Variants in SATB2 observed in about 807,000 individuals in gnomAD.
SATB2 encodes SATB homeobox 2, also known as DNA-binding protein SATB2.
In SATB2, 1 loss-of-function variant was observed where a neutral mutation model predicts 73.4. The observed-to-expected ratio is 0.01, with a 90% CI of 0.00 to 0.06. SATB2 has a LOEUF of 0.06. Ranked by LOEUF, SATB2 falls within the 10% of genes least tolerant of loss-of-function variation. The probability of loss-of-function intolerance (pLI) is 1.00; values close to 1 mark genes in which losing one functional copy is unlikely to be tolerated. For missense variants in SATB2, 459 were observed against 945.8 expected, an observed-to-expected ratio of 0.49 and a Z score of 6.75; for synonymous variants, 397 against 367.0, an observed-to-expected ratio of 1.08 and a Z score of -0.93.
rs1256405784 is a variant in SATB2, at chr2:199,455,283, C to T, written c.169+586G>A. Reference sequence around the variant, plus strand: ...TCTCCTATAATTCATAATAAAGTTACGAATGCATATGACTAAACTTTATAG... The same window carrying T: ...TCTCCTATAATTCATAATAAAGTTATGAATGCATATGACTAAACTTTATAG... On this transcript the variant is annotated intron_variant, in intron 2 of 10. Transcript: ENST00000417098. The surrounding 1 kb of genome is among the most constrained non-coding windows in gnomAD (Gnocchi z 4.1). 6.6e-6 allele frequency among the ~76,000 whole-genome samples: 1 copy of T among 152,166 alleles called. No individual in the cohort carries two copies. Among genetic ancestry groups the T allele is most frequent in the African/African-American group, 2.4e-5 (1 of 41,432 alleles).
At chr2:199,438,700 T>C (rs569496407) in intron 2 of SATB2, among the ~76,000 whole-genome samples, 35 of 152,332 alleles carry the variant, frequency 2.3e-4, no homozygotes, top group African/African-American at 8.4e-4. Context: ...GTGACAGGAT[T>C]CAATGGGCTT....
At chr2:199,333,586 A>G (rs1431206032) in intron 7 of SATB2, among the ~76,000 whole-genome samples, 2 of 152,150 alleles carry the variant, frequency 1.3e-5, no homozygotes, top group East Asian at 1.9e-4. Flanking sequence ...TACAAGCTGT[A>G]AAATAAAGTG....
intron 10 of SATB2, among the ~76,000 whole-genome samples, chr2:199,286,702 T>A (rs1417018199): frequency 1.3e-5 from 2 of 152,078 alleles, no homozygotes; most frequent in African/African-American, 4.8e-5. Flanking sequence ...AAACCTAGCC[T>A]AAAAATTCAC....
In SATB2 at chr2:199,380,548, G is replaced by T; in HGVS notation, c.474-61C>A. Reference sequence around the variant, plus strand: ...CTCAACCAGGGTCCCTGACTGAAGAGGAGACACTGCAGCAGCCATTCTTGG... The same window carrying T: ...CTCAACCAGGGTCCCTGACTGAAGATGAGACACTGCAGCAGCCATTCTTGG... On this transcript the variant is annotated intron_variant, in intron 4 of 10. Coordinates refer to ENST00000417098, the MANE Select transcript of SATB2 (RefSeq NM_001172509.2). 3.1e-6 allele frequency: 5 copies of T among 1,590,046 alleles called. No individual in the cohort carries two copies. The South Asian group carries it at 5.5e-5, about 18-fold the overall frequency.
chr2:199,284,674 ATATT>A (rs1331766639), intron 10 of SATB2, among the ~76,000 whole-genome samples: 1 of 152,136 alleles, frequency 6.6e-6, no homozygotes, highest in African/African-American at 2.4e-5. Context: ...TTTTGAAAAT[ATATT>A]TATTGTGAAA....
intron 3 of SATB2, among the ~76,000 whole-genome samples, chr2:199,386,131 G>A (rs1394500992): frequency 6.6e-6 from 1 of 152,098 alleles, no homozygotes; most frequent in African/African-American, 2.4e-5. Flanking sequence ...AAAATCCTTG[G>A]AGAACCAGAA....
rs775852251 is a variant in SATB2 at position 199,348,993 on chromosome 2, C to T, written c.881G>A (p.Ser294Asn). Residue 294 changes from serine (S) to asparagine (N), a missense_variant, in exon 7 of 11, where the codon AGC (serine) becomes AAC (asparagine). Ser to Asn is a conservative substitution (Grantham distance 46, BLOSUM62 1). Coordinates refer to ENST00000417098, the MANE Select transcript of SATB2 (RefSeq NM_001172509.2). ...NQVPALQPIMSPGLLSPQLSP... is the reference protein window; with the variant it reads ...NQVPALQPIMNPGLLSPQLSP... ...AAGCTGGGGAGAAAGAAGACCAGGG[C>T]TCATGATGGGCTGTAATGCGGGCAC... 1 of 1,614,104 alleles carries T rather than the reference C, an allele frequency of 6.2e-7. No homozygotes were observed. The highest frequency in any genetic ancestry group is 2.2e-5 in the East Asian group (1 of 44,868).
rs540139352 is a variant in SATB2 at position 199,279,243 on chromosome 2, T to C, written c.1741-6571A>G. On this transcript the variant is annotated intron_variant, in intron 10 of 10. Transcript: ENST00000417098. ...AAAGCACAATTATAATATGGACACA[T>C]GTTGTTTCTCTGCTTTCAAAATTTG... is the stretch of plus-strand genomic sequence containing the variant. Among the ~76,000 whole-genome samples, 65 of 152,284 alleles carry C rather than the reference T, an allele frequency of 4.3e-4. 2 individuals are homozygous for C. The South Asian group carries it at 0.013, about 30-fold the overall frequency.
chr2:199,272,595 C>T lies in SATB2; in HGVS notation c.1818G>A (p.Pro606=), dbSNP rs141436870. ...PREEAPPPPP[P]TEDSCAKKPR... ...GCTTTTTGGCACAACTGTCTTCAGT[C>T]GGAGGAGGTGGGGGAGGCGCTTCTT... The change falls in exon 11 of 11, where the codon CCG becomes CCA. Residue 606 remains proline, a synonymous_variant. Coordinates refer to ENST00000417098, the MANE Select transcript of SATB2 (RefSeq NM_001172509.2). The surrounding 1 kb of genome is among the most constrained non-coding windows in gnomAD (Gnocchi z 6.7). 24 of 1,613,884 alleles carry T rather than the reference C, an allele frequency of 1.5e-5. No individual in the cohort carries two copies. Among genetic ancestry groups the T allele is most frequent in the South Asian group, 5.5e-5 (5 of 91,064 alleles).
Position 199,349,191 on chromosome 2 carries a change from T to C in SATB2, c.701-18A>G, listed in dbSNP as rs1266796423. The C allele has an allele frequency of 5.8e-6, 9 of 1,547,600 alleles. No homozygotes were observed. In the South Asian group the frequency reaches 6.8e-5, roughly 12 times the overall value. ...TCTTTCCACTGTTAAGAGATAAAAGTGATAATTAATCATTATTTTCATTGG... is the reference window on the plus strand; with the variant it reads ...TCTTTCCACTGTTAAGAGATAAAAGCGATAATTAATCATTATTTTCATTGG... On this transcript the variant is annotated intron_variant, in intron 6 of 10. Coordinates refer to ENST00000417098, the MANE Select transcript of SATB2 (RefSeq NM_001172509.2).
chr2:199,355,324 A>ATG (rs71885911), intron 6 of SATB2, among the ~76,000 whole-genome samples: 4 of 134,440 alleles, frequency 3.0e-5, no homozygotes, highest in African/African-American at 1.2e-4. Flanking sequence ...ATACATATGT[A>ATG]TGTGTGTGTG....
At chr2:199,413,227 G>C (rs1690875822) in intron 3 of SATB2, among the ~76,000 whole-genome samples, 1 of 151,998 alleles carries the variant, frequency 6.6e-6, no homozygotes, top group African/African-American at 2.4e-5. Flanking sequence ...TCTTTTCTTA[G>C]CATCACAGCT....
intron 6 of SATB2, among the ~76,000 whole-genome samples, chr2:199,354,128 A>G (rs777447184): frequency 6.6e-6 from 1 of 152,112 alleles, no homozygotes; most frequent in Non-Finnish European, 1.5e-5. Context: ...AAGGCCAAGG[A>G]GGGCGGATCA....
chr2:199,400,928 C>T lies in SATB2; in HGVS notation c.347-19108G>A, dbSNP rs1224870294. On this transcript the variant is annotated intron_variant, in intron 3 of 10. Transcript: ENST00000417098. ...CATTGGTTATATTTTACAAATGAGT[C>T]GGTAAGAATTAAAAATAACAGGTGT... 9.2e-5 allele frequency among the ~76,000 whole-genome samples: 14 copies of T among 152,088 alleles called. No homozygotes were observed. The South Asian group carries it at 1.9e-3, about 20-fold the overall frequency.
intron 2 of SATB2, among the ~76,000 whole-genome samples, chr2:199,451,791 CCTGA>C (rs1358501378): frequency 2.6e-5 from 4 of 151,890 alleles, no homozygotes; most frequent in East Asian, 1.9e-4. Flanking sequence ...TAAATGAGGC[CCTGA>C]CTAACAATCT....
chr2:199,287,324 T>C (rs1416872181), intron 10 of SATB2, among the ~76,000 whole-genome samples: 2 of 152,196 alleles, frequency 1.3e-5, no homozygotes, highest in African/African-American at 4.8e-5. Context: ...AGAGTTTTAA[T>C]TCCTTTTAAA....
intron 2 of SATB2, among the ~76,000 whole-genome samples, chr2:199,454,987 A>G (rs1342527408): frequency 2.6e-5 from 4 of 152,248 alleles, no homozygotes; most frequent in Non-Finnish European, 2.9e-5. Flanking sequence ...TTTATGCCAA[A>G]CACACAGAAA....
chr2:199,380,246 A>C (rs1388525035), intron 5 of SATB2, 118 bp downstream of exon 5: 1 of 1,265,528 alleles, frequency 7.9e-7, no homozygotes, highest in Non-Finnish European at 1.2e-6. Context: ...CCTCAAATGC[A>C]GTTTAAGTCT....
chr2:199,363,710 C>T (rs1048401328), intron 6 of SATB2, among the ~76,000 whole-genome samples: 5 of 152,108 alleles, frequency 3.3e-5, no homozygotes, highest in Non-Finnish European at 5.9e-5. Context: ...AATCATTTCA[C>T]GTTGTATTAA....
Sources: allele counts gnomAD v4.1 joint callset (sites outside exome capture counted in the v4.1 genomes callset), GRCh38; gene constraint gnomAD v4.1.1; non-coding constraint Gnocchi (gnomAD v3.1); transcripts MANE v1.5; gene names NCBI Gene and HGNC (gene_info 2026-07-23, HGNC 2026-07-21).